Variants in SULF2 observed in about 807,000 individuals in gnomAD.
SULF2 encodes extracellular sulfatase Sulf-2.
SULF2 carries 52 observed loss-of-function variants against 107.7 expected under a neutral mutation model. That is an observed-to-expected ratio of 0.48 (90% CI 0.39 to 0.61). The LOEUF is 0.61. Ranked by LOEUF, SULF2 falls within the 20% of genes least tolerant of loss-of-function variation. The pLI, the probability that SULF2 is intolerant of heterozygous loss-of-function variation, is 0.00. For synonymous variants in SULF2, 460 were observed against 464.3 expected (o/e 0.99, Z 0.12); for missense variants, 993 against 1,177.3 (o/e 0.84, Z 2.29).
At chr20:47,774,121 A>G (rs963934872) in intron 1 of SULF2, among the ~76,000 whole-genome samples, 3 of 152,228 alleles carry the variant, frequency 2.0e-5, no homozygotes, top group African/African-American at 7.2e-5. Flanking sequence ...ACTTTTACCA[A>G]ATCACCTGCT....
chr20:47,764,976 C>T (rs2090497192), intron 1 of SULF2, among the ~76,000 whole-genome samples: 1 of 152,142 alleles, frequency 6.6e-6, no homozygotes, highest in Non-Finnish European at 1.5e-5. Flanking sequence ...CAGAACCTGC[C>T]CAGTGTCGTG....
intron 1 of SULF2, among the ~76,000 whole-genome samples, chr20:47,779,533 G>C (rs2090784638): frequency 6.6e-6 from 1 of 152,162 alleles, no homozygotes; most frequent in Admixed American, 6.5e-5. Context: ...CCTCTCACAG[G>C]AGCCAGCAGG....
At chr20:47,771,174 T>C (rs901414421) in intron 1 of SULF2, among the ~76,000 whole-genome samples, 16 of 152,168 alleles carry the variant, frequency 1.1e-4, no homozygotes, top group African/African-American at 3.6e-4. Flanking sequence ...CTGTCGGGGC[T>C]GGGCGTTTGT....
chr20:47,693,155 T>A (rs2088256191), intron 4 of SULF2, among the ~76,000 whole-genome samples: 1 of 152,340 alleles, frequency 6.6e-6, no homozygotes, highest in African/African-American at 2.4e-5. Context: ...GTTATATAAA[T>A]CAAAGAGCTG....
chr20:47,757,322 A>T lies in SULF2; in HGVS notation c.42T>A (p.Thr14=). The T allele has an allele frequency of 6.2e-7, 1 of 1,602,736 alleles. No individual in the cohort carries two copies. The highest frequency in any genetic ancestry group is 8.5e-7 in the Non-Finnish European group (1 of 1,174,394). Reference sequence around the variant, plus strand: ...AGCTTCCACCCAGCAGGGAGAACACAGTTGCGGACAGCAAGCACAGCACGA... The same window carrying T: ...AGCTTCCACCCAGCAGGGAGAACACTGTTGCGGACAGCAAGCACAGCACGA... ...PSLVLCLLSA[T]VFSLLGGSSA... is the part of the protein sequence containing the mutation. Residue 14 remains threonine (T), a synonymous_variant, in exon 2 of 21, where the codon ACT becomes ACA. Transcript: ENST00000688720.
Position 47,659,699 on chromosome 20 carries a change from G to A in SULF2, c.2526C>T (p.Tyr842=), listed in dbSNP as rs144875922. The stretch of plus-strand genomic sequence containing the variant: ...GCTTTAATAATAAAACGAAATACCT[G>A]TATTGCTCATAGCTTCCTCCATCTT... ...GLKDGGSYEQ[Y]RQFQRRKWPE... The change falls in exon 19 of 21, where the codon TAC becomes TAT. Residue 842 remains tyrosine (Y), a splice_region_variant and synonymous_variant. Transcript: ENST00000688720. 1.6e-5 allele frequency: 25 copies of A among 1,611,760 alleles called. No individual in the cohort carries two copies. The highest frequency in any genetic ancestry group is 2.1e-5 in the Non-Finnish European group (25 of 1,178,132).
chr20:47,766,582 T>C (rs2090532116), intron 1 of SULF2, among the ~76,000 whole-genome samples: 1 of 152,222 alleles, frequency 6.6e-6, no homozygotes, highest in Non-Finnish European at 1.5e-5. Context: ...TGAAGGCTCG[T>C]GTGTGCCAGG....
chr20:47,757,123 C>A, intron 2 of SULF2, 66 bp downstream of exon 2: 1 of 1,416,956 alleles, frequency 7.1e-7, no homozygotes, highest in East Asian at 2.5e-5. Context: ...GCCTCAGGAG[C>A]CTCAGCCTAA....
chr20:47,661,732 A>G, intron 18 of SULF2, 41 bp downstream of exon 18: 1 of 1,461,860 alleles, frequency 6.8e-7, no homozygotes, highest in Non-Finnish European at 9.2e-7. Context: ...TCCTTTGGTT[A>G]CCCTGCTGTC....
rs552189799 is a variant in SULF2, at chr20:47,694,309, G to A, written c.568-4014C>T. On this transcript the variant is annotated intron_variant, in intron 4 of 20. Transcript: ENST00000688720. This position sits in a 1 kb window ranked among gnomAD's most constrained non-coding sequence, Gnocchi z 4.4. The stretch of plus-strand genomic sequence containing the variant: ...TGGATGTGGGGTGCGGGAGGGGCGG[G>A]TGACCCCCACCCCTGTTGGTCTCTG... 2.0e-5 allele frequency among the ~76,000 whole-genome samples: 3 copies of A among 152,296 alleles called. No homozygotes were observed. Among genetic ancestry groups the A allele is most frequent in the Admixed American group, 6.5e-5 (1 of 15,302 alleles).
chr20:47,707,615 G>A (rs2088789171), intron 3 of SULF2, among the ~76,000 whole-genome samples: 1 of 152,150 alleles, frequency 6.6e-6, no homozygotes, highest in Admixed American at 6.6e-5. Context: ...AAGTACTCGA[G>A]TGAGATATGC....
intron 3 of SULF2, among the ~76,000 whole-genome samples, chr20:47,729,694 G>C (rs907682879): frequency 6.6e-5 from 10 of 152,230 alleles, no homozygotes; most frequent in African/African-American, 2.4e-4. Flanking sequence ...CGGGGGACCA[G>C]GAAGTGATGC....
chr20:47,665,129 G>A (rs1022470642), intron 14 of SULF2, 70 bp downstream of exon 14: 6 of 971,326 alleles, frequency 6.2e-6, no homozygotes, highest in African/African-American at 3.2e-5. Context: ...GGTCAATCAC[G>A]AGAGGGGATG....
rs1171556843 is a variant in SULF2 at position 47,694,661 on chromosome 20, C to T, written c.568-4366G>A. Among the ~76,000 whole-genome samples, 2 of 152,166 alleles carry T rather than the reference C, an allele frequency of 1.3e-5. No individual in the cohort carries two copies. Among genetic ancestry groups the T allele is most frequent in the South Asian group, 2.1e-4 (1 of 4,830 alleles). The stretch of plus-strand genomic sequence containing the variant: ...GCCTCAGGTGATTCCTGCAGGCATC[C>T]ACAAGCTTCACCGACTGAGTAGCTA... On this transcript the variant is annotated intron_variant, in intron 4 of 20. Coordinates refer to ENST00000688720, the MANE Select transcript of SULF2 (RefSeq NM_001387048.1). The surrounding 1 kb of genome is among the most constrained non-coding windows in gnomAD (Gnocchi z 4.4).
Position 47,657,517 on chromosome 20 carries a change from A to G in SULF2, c.*845T>C, listed in dbSNP as rs1048811884. On this transcript the variant is annotated 3_prime_UTR_variant, in exon 21 of 21. Transcript: ENST00000688720. ...ATACTTAAACTACAAAATTTTTTTTACAAATACAGTTTCATCAAAACTTGG... is the reference window on the plus strand; with the variant it reads ...ATACTTAAACTACAAAATTTTTTTTGCAAATACAGTTTCATCAAAACTTGG... The G allele has an allele frequency of 1.3e-5, 2 of 152,218 alleles. No individual in the cohort carries two copies. Among genetic ancestry groups the G allele is most frequent in the Non-Finnish European group, 2.9e-5 (2 of 68,030 alleles). The allele number at this position is 152,218 out of a possible 1,614,324, so 9.4% of individuals were successfully genotyped here. A position where few individuals can be genotyped will look rare whatever the true frequency, so the allele number is the denominator to read the frequency against.
intron 4 of SULF2, among the ~76,000 whole-genome samples, chr20:47,699,141 T>C (rs4239650): frequency 0.2 from 30,465 of 152,050 alleles, 3,292 homozygotes; most frequent in East Asian, 0.35. Flanking sequence ...TGTGTGTGTG[T>C]GCATTAATGA....
chr20:47,753,512 T>C (rs552380281), intron 2 of SULF2, among the ~76,000 whole-genome samples: 87 of 152,384 alleles, frequency 5.7e-4, no homozygotes, highest in African/African-American at 2.0e-3. Flanking sequence ...GGAGGCAGCA[T>C]CTTGCTGAAA....
intron 2 of SULF2, among the ~76,000 whole-genome samples, chr20:47,741,257 C>T (rs1332336820): frequency 2.0e-5 from 3 of 151,750 alleles, no homozygotes; most frequent in African/African-American, 7.3e-5. Flanking sequence ...ACCCCATCCC[C>T]CTCTCCGCCC....
At position 47,726,467 on chromosome 20, in the gene SULF2, G is replaced by A. The variant is rs567877154; in HGVS notation, c.415+10236C>T. On this transcript the variant is annotated intron_variant, in intron 3 of 20. Coordinates refer to ENST00000688720, the MANE Select transcript of SULF2 (RefSeq NM_001387048.1). ...TGGCCTCAAGAGATCCTCCTGCCTC[G>A]ACCTTTCCAAGTGCCGGGATTACAG... 2.0e-5 allele frequency among the ~76,000 whole-genome samples: 3 copies of A among 151,796 alleles called. No homozygotes were observed. In the East Asian group the frequency reaches 5.8e-4, roughly 29 times the overall value.
Sources: gnomAD v4.1 joint callset for allele counts (sites outside exome capture counted in the v4.1 genomes callset) on GRCh38, gnomAD v4.1.1 for gene constraint, Gnocchi (gnomAD v3.1) non-coding constraint, MANE v1.5 for transcripts, NCBI Gene and HGNC (gene_info 2026-07-23, HGNC 2026-07-21) for gene names.